C13orf46: variants seen among roughly 807,000 people sequenced by gnomAD.
C13orf46 encodes chromosome 13 open reading frame 46.
chr13:113,955,574 A>AGGAGGAGCATCTCGTGGAGC lies in C13orf46; in HGVS notation c.*1179_*1198dup, dbSNP rs1566413970. The AGGAGGAGCATCTCGTGGAGC allele has an allele frequency of 1.9e-5, 1 of 53,210 alleles. No individual in the cohort carries two copies. Among genetic ancestry groups the AGGAGGAGCATCTCGTGGAGC allele is most frequent in the Non-Finnish European group, 4.8e-5 (1 of 20,952 alleles). The allele number at this position is 53,210 out of a possible 1,614,324, so 3.3% of individuals were successfully genotyped here. A position where few individuals can be genotyped will look rare whatever the true frequency, so the allele number is the denominator to read the frequency against. Reference sequence around the variant, plus strand: ...TGGAGAGGAGGAGCATCTCGTGGAGAGGAGGAGCATCTCGTGGAGCGGAGG... The same window carrying AGGAGGAGCATCTCGTGGAGC: ...TGGAGAGGAGGAGCATCTCGTGGAGAGGAGGAGCATCTCGTGGAGCGGAGGAGCATCTCGTGGAGCGGAGG... On this transcript the variant is annotated 3_prime_UTR_variant, in exon 7 of 7. Coordinates refer to ENST00000636427, the MANE Select transcript of C13orf46 (RefSeq NM_001365455.2).
chr13:113,936,603 A>G, the C13orf46 span, among the ~76,000 whole-genome samples: 4 of 152,172 alleles, frequency 2.6e-5, no homozygotes, highest in Admixed American at 2.6e-4. Context: ...TAAACAGGAC[A>G]CTAGAGTTTT....
chr13:113,931,574 C>T, the C13orf46 span, among the ~76,000 whole-genome samples: 6 of 152,146 alleles, frequency 3.9e-5, no homozygotes, highest in Non-Finnish European at 7.4e-5. Flanking sequence ...TGCTGTTTCT[C>T]GGAAGTAACT....
chr13:113,973,630 G>A (rs557620524), intron 1 of C13orf46, among the ~76,000 whole-genome samples, 178 bp downstream of exon 1: 1 of 152,250 alleles, frequency 6.6e-6, no homozygotes, highest in African/African-American at 2.4e-5. Context: ...ACGTCAGGCC[G>A]TGCCCCGCCT....
At chr13:113,964,734 C>T (rs1039792071) in intron 6 of C13orf46, among the ~76,000 whole-genome samples, 193 bp downstream of exon 6, 58 of 152,102 alleles carry the variant, frequency 3.8e-4, no homozygotes, top group Non-Finnish European at 7.4e-4. Context: ...TTCGAAGGTC[C>T]GATGTCCTGT....
At position 113,957,315 on chromosome 13, in the gene C13orf46, T is replaced by C. The variant is rs1327559896; in HGVS notation, c.573-476A>G. Among the ~76,000 whole-genome samples, 5 of 110,566 alleles carry C rather than the reference T, an allele frequency of 4.5e-5. No homozygotes were observed. In the East Asian group the frequency reaches 1.6e-3, roughly 35 times the overall value. The allele number at this position is 110,566 out of a possible 152,430, so 72.5% of individuals were successfully genotyped here. ...GTCTCCCCTGCACTCTGCACCCCCT[T>C]TCATCAAGCACACTGGGGGATCTCC... On this transcript the variant is annotated intron_variant, in intron 6 of 6. Transcript: ENST00000636427.
chr13:113,942,140 C>T, the C13orf46 span, among the ~76,000 whole-genome samples: 1 of 152,206 alleles, frequency 6.6e-6, no homozygotes. Flanking sequence ...GATTGCAAAC[C>T]ACAGAATCCA....
chr13:113,963,994 G>A (rs2052613775), intron 6 of C13orf46, among the ~76,000 whole-genome samples: 1 of 152,106 alleles, frequency 6.6e-6, no homozygotes, highest in Admixed American at 6.5e-5. Flanking sequence ...GGAACTACAG[G>A]CACCTGTCAC....
chr13:113,931,918 C>T, the C13orf46 span, among the ~76,000 whole-genome samples: 45 of 149,900 alleles, frequency 3.0e-4, no homozygotes, highest in African/African-American at 1.1e-3. Context: ...AGACCATGGA[C>T]ATCCCCTCCC....
intron 5 of C13orf46, among the ~76,000 whole-genome samples, chr13:113,966,653 G>GAATGATGGTGGTGATGTGAT (rs1170147220): frequency 1.4e-4 from 21 of 151,720 alleles, no homozygotes; most frequent in African/African-American, 4.6e-4. Context: ...CTGCTGATGG[G>GAATGATGGTGGTGATGTGAT]AATGATGGTG....
rs1594241751 is a variant in C13orf46, at chr13:113,955,976, CGAGGAGTAGGATCTGGCAGAGAG to C, written c.*774_*796del. On this transcript the variant is annotated 3_prime_UTR_variant, in exon 7 of 7. Coordinates refer to ENST00000636427, the MANE Select transcript of C13orf46 (RefSeq NM_001365455.2). ...GACGAGGAGGAGCATCTGGCGGAGA[CGAGGAGTAGGATCTGGCAGAGAG>C]GAGGAGTAGGATCTGGCGGAGAGGA... 7.2e-4 allele frequency: 90 copies of C among 124,522 alleles called. No homozygotes were observed. The highest frequency in any genetic ancestry group is 1.6e-3 in the South Asian group (7 of 4,386). The allele number at this position is 124,522 out of a possible 1,614,324, so 7.7% of individuals were successfully genotyped here.
chr13:113,950,288 G>C (rs1309530524), downstream of C13orf46, among the ~76,000 whole-genome samples: 2 of 127,792 alleles, frequency 1.6e-5, no homozygotes, highest in African/African-American at 6.2e-5. Context: ...CCCATCTGTA[G>C]AGTGGGGTCA....
chr13:113,945,663 AGAAAGAAAG>A, the C13orf46 span, among the ~76,000 whole-genome samples: 26 of 137,960 alleles, frequency 1.9e-4, no homozygotes, highest in South Asian at 4.4e-4. Context: ...AAAGAAAGAA[AGAAAGAAAG>A]GAAAGAAAAA....
the C13orf46 span, among the ~76,000 whole-genome samples, chr13:113,940,395 A>C: frequency 3.9e-5 from 6 of 152,222 alleles, no homozygotes; most frequent in African/African-American, 1.4e-4. Context: ...CCCAGACAGA[A>C]GACGCAGGTG....
At chr13:113,937,144 G>T in the C13orf46 span, among the ~76,000 whole-genome samples, 1 of 152,232 alleles carries the variant, frequency 6.6e-6, no homozygotes, top group Non-Finnish European at 1.5e-5. Flanking sequence ...AAGGCAAGAT[G>T]GGAGTTGGTT....
At chr13:113,945,700 T>G in the C13orf46 span, among the ~76,000 whole-genome samples, 14 of 151,986 alleles carry the variant, frequency 9.2e-5, no homozygotes, top group African/African-American at 3.4e-4. Flanking sequence ...AGTCTTCATC[T>G]GAGCTACTCC....
intron 4 of C13orf46, 57 bp from the exon 5 acceptor site, chr13:113,967,445 C>G (rs1347060484): frequency 6.6e-6 from 1 of 152,326 alleles, no homozygotes; most frequent in Non-Finnish European, 1.5e-5. Context: ...TGGAGAGGAA[C>G]GTTGATTCCC....
At chr13:113,965,807 T>C (rs1198305313) in intron 5 of C13orf46, among the ~76,000 whole-genome samples, 2 of 149,416 alleles carry the variant, frequency 1.3e-5, no homozygotes, top group Admixed American at 1.3e-4. Flanking sequence ...GTGGTGATGA[T>C]GGTGAAGGTG....
At chr13:113,966,498 G>T (rs1282436037) in intron 5 of C13orf46, among the ~76,000 whole-genome samples, 2 of 151,436 alleles carry the variant, frequency 1.3e-5, no homozygotes, top group Non-Finnish European at 2.9e-5. Context: ...TGGTGATGGT[G>T]ATTATAATGG....
chr13:113,959,643 T>G (rs1196582848), intron 6 of C13orf46, among the ~76,000 whole-genome samples: 1 of 152,206 alleles, frequency 6.6e-6, no homozygotes, highest in African/African-American at 2.4e-5. Flanking sequence ...ATACCAGGCT[T>G]TCTAAGGCTG....
Sources: gnomAD v4.1 joint callset for allele counts (sites outside exome capture counted in the v4.1 genomes callset) on GRCh38, gnomAD v4.1.1 for gene constraint, MANE v1.5 for transcripts, NCBI Gene and HGNC (gene_info 2026-07-23, HGNC 2026-07-21) for gene names.